The following SCN11A variants were observed in gnomAD, a reference collection of about 807,000 sequenced individuals.
SCN11A encodes sodium voltage-gated channel alpha subunit 11.
SCN11A carries 122 observed loss-of-function variants against 162.2 expected under a neutral mutation model. The ratio of observed to expected loss-of-function variants is 0.75; its 90% CI spans 0.65 to 0.87. The LOEUF (loss-of-function observed/expected upper bound fraction) is 0.87. SCN11A is among the 40% of genes least tolerant of loss of function. The pLI is 0.00. For missense variants in SCN11A, 2,015 were observed against 2,181.6 expected (o/e 0.92, Z 1.52); for synonymous variants, 758 against 751.5 (o/e 1.01, Z -0.14).
intron 2 of SCN11A, among the ~76,000 whole-genome samples, chr3:38,987,433 T>C (rs950976324): frequency 2.6e-5 from 4 of 152,130 alleles, no homozygotes; most frequent in African/African-American, 9.7e-5. Flanking sequence ...TTACAGCTTC[T>C]TCCACAGGGA....
chr3:39,042,140 G>A (rs1447102803), intron 1 of SCN11A, among the ~76,000 whole-genome samples: 1 of 152,002 alleles, frequency 6.6e-6, no homozygotes, highest in Admixed American at 6.6e-5. Flanking sequence ...GTGGTGGTAG[G>A]CGCCTGTAGT....
At chr3:38,976,775 A>G (rs2066852428) in intron 2 of SCN11A, among the ~76,000 whole-genome samples, 1 of 152,044 alleles carries the variant, frequency 6.6e-6, no homozygotes, top group African/African-American at 2.4e-5. Flanking sequence ...CCACACTTGC[A>G]CCCAGGATCT....
chr3:39,001,197 A>T (rs1245274705), intron 2 of SCN11A, among the ~76,000 whole-genome samples: 3 of 152,206 alleles, frequency 2.0e-5, no homozygotes, highest in Non-Finnish European at 4.4e-5. Flanking sequence ...TATTCACAAT[A>T]TTGTGCAACC....
At chr3:38,868,783 G>A (rs1297095742) in intron 26 of SCN11A, among the ~76,000 whole-genome samples, 4 of 152,190 alleles carry the variant, frequency 2.6e-5, no homozygotes, top group Admixed American at 6.5e-5. Context: ...TTTCCTGGAA[G>A]GAATTACTAC....
chr3:38,921,793 C>A (rs1380529499), intron 9 of SCN11A, among the ~76,000 whole-genome samples: 3 of 151,844 alleles, frequency 2.0e-5, no homozygotes, highest in Non-Finnish European at 4.4e-5. Context: ...AGGGTGTTTT[C>A]TTTTCATTCA....
intron 3 of SCN11A, among the ~76,000 whole-genome samples, chr3:38,956,595 C>T (rs192085357): frequency 1.5e-3 from 224 of 152,204 alleles, no homozygotes; most frequent in African/African-American, 5.3e-3. Flanking sequence ...ACATCAGGGT[C>T]CATTCCTTTA....
chr3:38,954,329 C>A (rs1162297732), intron 3 of SCN11A, among the ~76,000 whole-genome samples: 2 of 152,152 alleles, frequency 1.3e-5, no homozygotes, highest in Non-Finnish European at 2.9e-5. Flanking sequence ...GAGCATAAGT[C>A]TTTTGCAGTG....
At chr3:39,011,286 G>A (rs2031126620) in intron 2 of SCN11A, among the ~76,000 whole-genome samples, 1 of 152,248 alleles carries the variant, frequency 6.6e-6, no homozygotes, top group African/African-American at 2.4e-5. Flanking sequence ...ATATATTTAA[G>A]TGAGGGCTTA....
chr3:39,033,061 G>C (rs1054799990), intron 1 of SCN11A, among the ~76,000 whole-genome samples: 4 of 152,070 alleles, frequency 2.6e-5, no homozygotes. Context: ...GCTGAGGCAG[G>C]AGAATTGCTT....
chr3:39,048,750 C>T (rs368780350), intron 1 of SCN11A, among the ~76,000 whole-genome samples: 23 of 152,196 alleles, frequency 1.5e-4, no homozygotes, highest in African/African-American at 5.3e-4. Flanking sequence ...GCATGACTTC[C>T]ACTGTGAGTT....
chr3:38,887,711 T>A (rs2126110568), intron 19 of SCN11A, among the ~76,000 whole-genome samples: 1 of 152,320 alleles, frequency 6.6e-6, no homozygotes. Flanking sequence ...AGAATATTGC[T>A]CTTTCTTATC....
chr3:38,943,935 T>C (rs975171972), intron 7 of SCN11A, among the ~76,000 whole-genome samples: 1 of 152,236 alleles, frequency 6.6e-6, no homozygotes, highest in Non-Finnish European at 1.5e-5. Flanking sequence ...AATAATTTAT[T>C]GTATATTTCA....
chr3:38,947,619 G>A (rs1048750540), intron 5 of SCN11A, among the ~76,000 whole-genome samples: 5 of 151,976 alleles, frequency 3.3e-5, no homozygotes, highest in South Asian at 2.1e-4. Flanking sequence ...CATTATGCCC[G>A]CCCCCCCACA....
At chr3:38,937,170 T>C (rs1441488527) in intron 7 of SCN11A, among the ~76,000 whole-genome samples, 3 of 151,824 alleles carry the variant, frequency 2.0e-5, no homozygotes, top group South Asian at 2.1e-4. Flanking sequence ...GCTAGCCATA[T>C]GTAGAAAGCT....
intron 2 of SCN11A, among the ~76,000 whole-genome samples, chr3:39,001,545 T>C (rs1422107974): frequency 6.6e-6 from 1 of 152,246 alleles, no homozygotes; most frequent in Non-Finnish European, 1.5e-5. Flanking sequence ...ATTTGGATTG[T>C]TTCTACTTCT....
chr3:38,947,083 G>A (rs748388886), intron 5 of SCN11A, among the ~76,000 whole-genome samples, 176 bp from the exon 6 acceptor site: 2 of 152,112 alleles, frequency 1.3e-5, no homozygotes, highest in Admixed American at 1.3e-4. Context: ...GGAAAACACA[G>A]GACCTGAAAA....
intron 2 of SCN11A, among the ~76,000 whole-genome samples, chr3:38,968,063 A>G (rs1196084256): frequency 6.6e-6 from 1 of 152,226 alleles, no homozygotes; most frequent in East Asian, 1.9e-4. Context: ...AGGGGAGAGA[A>G]GCTTCTGACC....
At chr3:39,036,935 A>G (rs1457764521) in intron 1 of SCN11A, among the ~76,000 whole-genome samples, 1 of 152,216 alleles carries the variant, frequency 6.6e-6, no homozygotes, top group East Asian at 1.9e-4. Context: ...AGAAACTGAA[A>G]ATAGAACTAC....
At chr3:38,969,430 C>T (rs1559560128) in intron 2 of SCN11A, among the ~76,000 whole-genome samples, 1 of 152,148 alleles carries the variant, frequency 6.6e-6, no homozygotes, top group Non-Finnish European at 1.5e-5. Flanking sequence ...AAAATCTCAG[C>T]GGCCTGCTGT....
Sources: allele counts gnomAD v4.1 joint callset (sites outside exome capture counted in the v4.1 genomes callset), GRCh38; gene constraint gnomAD v4.1.1; transcripts MANE v1.5; gene names NCBI Gene and HGNC (gene_info 2026-07-23, HGNC 2026-07-21).